Variants in SORCS2 observed in about 807,000 individuals in gnomAD.
SORCS2 encodes the protein sortilin related VPS10 domain containing receptor 2, also known as VPS10 domain-containing receptor SorCS2.
A neutral mutation model predicts 141.6 loss-of-function variants in SORCS2; 100 were observed. The ratio of observed to expected loss-of-function variants is 0.71; its 90% CI spans 0.60 to 0.83. SORCS2 has a LOEUF of 0.83. Ranked by LOEUF, SORCS2 falls within the 40% of genes least tolerant of loss-of-function variation. SORCS2 has a pLI of 0.00. For missense variants in SORCS2, 1,646 were observed against 1,560.2 expected (o/e 1.05, Z -0.93); for synonymous variants, 789 against 676.9 (o/e 1.17, Z -2.57).
intron 2 of SORCS2, among the ~76,000 whole-genome samples, chr4:7,529,877 C>G (rs1180320850): frequency 5.3e-5 from 8 of 152,182 alleles, no homozygotes; most frequent in Non-Finnish European, 7.4e-5. Context: ...CCTGGGGAGA[C>G]CAGGGGCAGA....
At chr4:7,552,414 C>A (rs973730084) in intron 3 of SORCS2, among the ~76,000 whole-genome samples, 13 of 152,100 alleles carry the variant, frequency 8.5e-5, no homozygotes, top group Non-Finnish European at 1.5e-4. Context: ...TGGAGGGCTG[C>A]CCACACAGAG....
chr4:7,634,081 T>C lies in SORCS2; in HGVS notation c.649-4247T>C, dbSNP rs1396248171. Among the ~76,000 whole-genome samples the C allele has an allele frequency of 9.8e-5, 7 of 71,414 alleles. 2 individuals carry two copies. Among genetic ancestry groups the C allele is most frequent in the Non-Finnish European group, 1.9e-4 (5 of 26,314 alleles). The allele number at this position is 71,414 out of a possible 152,430, so 46.9% of individuals were successfully genotyped here. On this transcript the variant is annotated intron_variant, in intron 3 of 26. Transcript: ENST00000507866. ...ATCCACGTGCAGTGTATGCAGAACT[T>C]TGGGAGGGACAGGCCGGGCACCGTG... is the stretch of plus-strand genomic sequence containing the variant.
intron 2 of SORCS2, among the ~76,000 whole-genome samples, chr4:7,407,744 A>T (rs1032390077): frequency 6.6e-6 from 1 of 151,922 alleles, no homozygotes; most frequent in Non-Finnish European, 1.5e-5. Flanking sequence ...TTTATTTTGT[A>T]TATCCCCTCT....
chr4:7,386,446 TACACATGTGCACGCAC>T (rs1723325564), intron 1 of SORCS2, among the ~76,000 whole-genome samples: 2 of 85,176 alleles, frequency 2.3e-5, no homozygotes, highest in Admixed American at 1.1e-4. Context: ...TACACAGAGA[TACACATGTGCACGCAC>T]ACACATGCAC....
chr4:7,483,304 C>G (rs1304038333), intron 2 of SORCS2, among the ~76,000 whole-genome samples: 1 of 130,612 alleles, frequency 7.7e-6, no homozygotes, highest in Non-Finnish European at 1.5e-5. Flanking sequence ...GCCTGGGTGA[C>G]AGAGCGAGAC....
intron 1 of SORCS2, among the ~76,000 whole-genome samples, chr4:7,396,081 C>T (rs1366338728): frequency 6.6e-6 from 1 of 152,210 alleles, no homozygotes; most frequent in Non-Finnish European, 1.5e-5. Flanking sequence ...AGAGCACAAG[C>T]AAGTCCTCAG....
chr4:7,603,155 GAGGGAGAGGGAGA>G (rs1717847979), intron 3 of SORCS2, among the ~76,000 whole-genome samples: 1 of 151,858 alleles, frequency 6.6e-6, no homozygotes, highest in Non-Finnish European at 1.5e-5. Flanking sequence ...CATGGAGAGA[GAGGGAGAGGGAGA>G]CCATGGAAAG....
chr4:7,662,517 A>G (rs1722240983), intron 6 of SORCS2, among the ~76,000 whole-genome samples: 1 of 152,108 alleles, frequency 6.6e-6, no homozygotes, highest in Admixed American at 6.5e-5. Context: ...GCTACTGATC[A>G]CCTGTGTCCC....
chr4:7,379,010 A>G (rs1722827106), intron 1 of SORCS2, among the ~76,000 whole-genome samples: 1 of 152,036 alleles, frequency 6.6e-6, no homozygotes, highest in South Asian at 2.1e-4. Context: ...TAATATGCAT[A>G]CCCCGGCCTT....
At chr4:7,398,863 A>C (rs1724388222) in intron 2 of SORCS2, among the ~76,000 whole-genome samples, 1 of 152,146 alleles carries the variant, frequency 6.6e-6, no homozygotes, top group African/African-American at 2.4e-5. Flanking sequence ...CCCTGGAATG[A>C]ATCAGTTACA....
rs150110371 is a variant in SORCS2, at chr4:7,566,378, G to A, written c.648+34749G>A. ...TGATGATGATGACTCTGCTACTGCT[G>A]CTGCTGAAGATGAAGATGACGGATT... On this transcript the variant is annotated intron_variant, in intron 3 of 26. Transcript: ENST00000507866. Among the ~76,000 whole-genome samples, 138 of 152,310 alleles carry A rather than the reference G, an allele frequency of 9.1e-4. 1 individual carries two copies. Among genetic ancestry groups the A allele is most frequent in the African/African-American group, 3.1e-3 (130 of 41,558 alleles).
Position 7,682,820 on chromosome 4 carries a change from G to T in SORCS2, c.1419G>T (p.Lys473Asn), listed in dbSNP as rs1183566856. The T allele has an allele frequency of 1.2e-6, 2 of 1,613,126 alleles. No individual in the cohort carries two copies. Among genetic ancestry groups the T allele is most frequent in the African/African-American group, 1.3e-5 (1 of 75,004 alleles). The change falls in exon 10 of 27, where the codon AAG becomes AAT. Residue 473 changes from lysine to asparagine, a missense_variant. Transcript: ENST00000507866. ...GKVMTLITYN[K>N]GRDWDYLRPP... ...TGATGACGCTTATAACCTACAACAA[G>T]GGCCGCGACTGGGATTACCTGAGGC...
intron 2 of SORCS2, among the ~76,000 whole-genome samples, chr4:7,484,686 C>T (rs992631395): frequency 6.6e-6 from 1 of 152,182 alleles, no homozygotes. Flanking sequence ...CAAAATGATC[C>T]TCTCTTTAGA....
rs551860979 is a variant in SORCS2 at position 7,629,009 on chromosome 4, G to T, written c.649-9319G>T. Among the ~76,000 whole-genome samples, 196 of 152,254 alleles carry T rather than the reference G, an allele frequency of 1.3e-3. 1 individual carries two copies. The highest frequency in any genetic ancestry group is 4.4e-3 in the African/African-American group (182 of 41,548). On this transcript the variant is annotated intron_variant, in intron 3 of 26. Transcript: ENST00000507866. ...TGTGCTGAGGAAGGGCCTCTGAGAC[G>T]GTGGCCTCGGAGCTACCAGCTGTGG...
chr4:7,552,239 G>T (rs116529730), intron 3 of SORCS2, among the ~76,000 whole-genome samples: 4,145 of 152,250 alleles, frequency 0.027, 187 homozygotes, highest in African/African-American at 0.093. Context: ...ATTGCTGAGG[G>T]TCCTTGGCTG....
chr4:7,335,667 G>T (rs796977241), intron 1 of SORCS2, among the ~76,000 whole-genome samples: 2 of 152,360 alleles, frequency 1.3e-5, no homozygotes, highest in African/African-American at 4.8e-5. Context: ...AGCCCCTTCA[G>T]GCTTTCTGAG....
At chr4:7,451,042 G>T (rs536524244) in intron 2 of SORCS2, among the ~76,000 whole-genome samples, 10 of 151,902 alleles carry the variant, frequency 6.6e-5, no homozygotes, top group South Asian at 2.1e-4. Flanking sequence ...GTGAGTGAAT[G>T]AGTGAGTGAA....
intron 1 of SORCS2, among the ~76,000 whole-genome samples, chr4:7,230,772 C>G (rs1472098113): frequency 6.6e-6 from 1 of 150,622 alleles, no homozygotes; most frequent in African/African-American, 2.5e-5. Flanking sequence ...GTGATGTGCT[C>G]ATGTATGATG....
At chr4:7,259,448 G>A (rs1480630872) in intron 1 of SORCS2, among the ~76,000 whole-genome samples, 1 of 152,130 alleles carries the variant, frequency 6.6e-6, no homozygotes, top group Admixed American at 6.6e-5. Context: ...AGGGTATGTG[G>A]CAGGTGTTTG....
Sources: allele counts gnomAD v4.1 joint callset (sites outside exome capture counted in the v4.1 genomes callset), GRCh38; gene constraint gnomAD v4.1.1; transcripts MANE v1.5; gene names NCBI Gene and HGNC (gene_info 2026-07-23, HGNC 2026-07-21).